The following COL6A1 variants were observed in gnomAD, a reference collection of about 807,000 sequenced individuals.
COL6A1 encodes the protein collagen alpha-1(VI) chain.
A neutral mutation model predicts 145.6 loss-of-function variants in COL6A1; 80 were observed. That is an observed-to-expected ratio of 0.55 (90% confidence interval 0.46 to 0.66). COL6A1 has a LOEUF of 0.66. Ranked by LOEUF, COL6A1 falls within the 30% of genes least tolerant of loss-of-function variation. The probability of loss-of-function intolerance (pLI) is 0.00; values close to 1 mark genes in which losing one functional copy is unlikely to be tolerated. For missense variants in COL6A1, 1,364 were observed against 1,473.8 expected, an observed-to-expected ratio of 0.93 and a Z score of 1.22; for synonymous variants, 638 against 622.8, an observed-to-expected ratio of 1.02 and a Z score of -0.36.
At position 45,990,459 on chromosome 21, in the gene COL6A1, A is replaced by G. The variant is rs11702174; in HGVS notation, c.1002+37A>G. 4.9e-3 allele frequency: 923 copies of G among 188,346 alleles called. 17 individuals are homozygous for G. Among genetic ancestry groups the G allele is most frequent in the East Asian group, 0.023 (108 of 4,748 alleles). The allele number at this position is 188,346 out of a possible 1,614,324, so 11.7% of individuals were successfully genotyped here. A position where few individuals can be genotyped will look rare whatever the true frequency, so the allele number is the denominator to read the frequency against. On this transcript the variant is annotated intron_variant, in intron 13 of 34. Coordinates refer to ENST00000361866, the MANE Select transcript of COL6A1 (RefSeq NM_001848.3). ...GAGATAGGATGGACGGGGAGGGACG[A>G]GGAGGAATGGGGCGAGATGGGGAGG...
At chr21:46,000,822 G>C in intron 29 of COL6A1, 55 bp downstream of exon 29, 3 of 1,604,578 alleles carry the variant, frequency 1.9e-6, no homozygotes, top group Non-Finnish European at 2.6e-6. Context: ...CGGGGAGCGA[G>C]GCCTGGGTCC....
chr21:45,988,998 A>G (rs2077758765), intron 8 of COL6A1, 86 bp from the exon 9 acceptor site: 1 of 1,507,616 alleles, frequency 6.6e-7, no homozygotes, highest in African/African-American at 1.4e-5. Flanking sequence ...AGGCTGGATG[A>G]AGCGTCTTTT....
chr21:45,990,769 C>G lies in COL6A1; in HGVS notation c.1003-4C>G, dbSNP rs200715767. Reference sequence around the variant, plus strand: ...AGATTTTCTAGTTTTCTTCCTCTTTCCAGGGGGAGATGGGGTACCCAGGCC... The same window carrying G: ...AGATTTTCTAGTTTTCTTCCTCTTTGCAGGGGGAGATGGGGTACCCAGGCC... On this transcript the variant is annotated splice_polypyrimidine_tract_variant and splice_region_variant and intron_variant, in intron 13 of 34. Coordinates refer to ENST00000361866, the MANE Select transcript of COL6A1 (RefSeq NM_001848.3). The G allele has an allele frequency of 6.2e-7, 1 of 1,613,332 alleles. No homozygotes were observed. The highest frequency in any genetic ancestry group is 8.5e-7 in the Non-Finnish European group (1 of 1,179,890).
rs1603591710 is a variant in COL6A1, at chr21:45,992,223, T to G, written c.1236+6T>G. On this transcript the variant is annotated splice_donor_region_variant and intron_variant, in intron 17 of 34. Coordinates refer to ENST00000361866, the MANE Select transcript of COL6A1 (RefSeq NM_001848.3). ...AAGGAGAGGCGGGCGACGAGGTGAG[T>G]GAGGGCTCCTGACACCTTCCTGGGG... is the stretch of plus-strand genomic sequence containing the variant. The G allele has an allele frequency of 1.2e-6, 2 of 1,613,202 alleles. No homozygotes were observed. Among genetic ancestry groups the G allele is most frequent in the Non-Finnish European group, 1.7e-6 (2 of 1,179,900 alleles).
chr21:45,999,915 TGGGGG>T (rs2077830066), intron 27 of COL6A1, among the ~76,000 whole-genome samples: 1 of 16,002 alleles, frequency 6.2e-5, no homozygotes, highest in Non-Finnish European at 1.4e-4. Flanking sequence ...GTGAGGATCA[TGGGGG>T]ACATGTGAGG....
At position 45,992,392 on chromosome 21, in the gene COL6A1, G is replaced by T. The variant is rs2077781987; in HGVS notation, c.1266G>T (p.Gly422=). The change falls in exon 18 of 35, where the codon GGG becomes GGT. Residue 422 remains glycine (G), a synonymous_variant. Coordinates refer to ENST00000361866, the MANE Select transcript of COL6A1 (RefSeq NM_001848.3). ...ACCCAGGACCTGACGGTGCCCCCGG[G>T]GAGCGGGTGAGTGGGGCAGGGGCAG... ...EGNPGPDGAP[G]ERGGPGERGP... 6.2e-7 allele frequency: 1 copy of T among 1,613,276 alleles called. No individual in the cohort carries two copies. Among genetic ancestry groups the T allele is most frequent in the Non-Finnish European group, 8.5e-7 (1 of 1,179,920 alleles).
chr21:45,986,727 G>A lies in COL6A1; in HGVS notation c.588+42G>A, dbSNP rs974511722. ...CCCGGCAGATGCCCCCAACCACAGG[G>A]AGTGGCGGCTGCAAGGCCCCCGGCA... On this transcript the variant is annotated intron_variant, in intron 4 of 34. Coordinates refer to ENST00000361866, the MANE Select transcript of COL6A1 (RefSeq NM_001848.3). 4 of 1,537,920 alleles carry A rather than the reference G, an allele frequency of 2.6e-6. No homozygotes were observed. In the Admixed American group the frequency reaches 7.9e-5, roughly 30 times the overall value.
chr21:45,985,937 G>C (rs528269646), intron 3 of COL6A1, among the ~76,000 whole-genome samples: 5 of 152,220 alleles, frequency 3.3e-5, no homozygotes, highest in Non-Finnish European at 5.9e-5. Flanking sequence ...GCCCCCTGTG[G>C]AAGCCACAGA....
chr21:46,004,567 TCTC>T lies in COL6A1; in HGVS notation c.*558_*560del, dbSNP rs886057160. 3 of 327,654 alleles carry T rather than the reference TCTC, an allele frequency of 9.2e-6. No homozygotes were observed. The highest frequency in any genetic ancestry group is 2.2e-5 in the African/African-American group (1 of 45,742). The allele number at this position is 327,654 out of a possible 1,614,324, so 20.3% of individuals were successfully genotyped here. ...TACAATTAAACTCAAAGCAAGCTCTTCTCCTCAGCTTGGGGCAGCCATTGGCCT... is the reference window on the plus strand; with the variant it reads ...TACAATTAAACTCAAAGCAAGCTCTTCTCAGCTTGGGGCAGCCATTGGCCT... On this transcript the variant is annotated 3_prime_UTR_variant, in exon 35 of 35. Coordinates refer to ENST00000361866, the MANE Select transcript of COL6A1 (RefSeq NM_001848.3).
chr21:45,990,435 A>ATGGGGTG lies in COL6A1; in HGVS notation c.1002+13_1002+14insTGGGGTG. 1.3e-6 allele frequency: 1 copy of ATGGGGTG among 775,394 alleles called. No individual in the cohort carries two copies. Among genetic ancestry groups the ATGGGGTG allele is most frequent in the Non-Finnish European group, 1.7e-6 (1 of 601,860 alleles). The allele number at this position is 775,394 out of a possible 1,614,324, so 48.0% of individuals were successfully genotyped here. On this transcript the variant is annotated intron_variant, in intron 13 of 34. Coordinates refer to ENST00000361866, the MANE Select transcript of COL6A1 (RefSeq NM_001848.3). ...GGACGGCGTGAAGGTGACTGGGGGG[A>ATGGGGTG]GATAGGATGGACGGGGAGGGACGAG...
Position 45,981,785 on chromosome 21 carries a change from T to C in COL6A1, c.-66T>C. 1 of 1,265,522 alleles carries C rather than the reference T, an allele frequency of 7.9e-7. No homozygotes were observed. Among genetic ancestry groups the C allele is most frequent in the Non-Finnish European group, 1.1e-6 (1 of 910,618 alleles). The allele number at this position is 1,265,522 out of a possible 1,614,324, so 78.4% of individuals were successfully genotyped here. A position where few individuals can be genotyped will look rare whatever the true frequency, so the allele number is the denominator to read the frequency against. On this transcript the variant is annotated 5_prime_UTR_variant, in exon 1 of 35. Transcript: ENST00000361866. ...GGCTGGGAGCAGAAGGCAGCCTCGG[T>C]CTCTGGGCGGCGGCGGCGGCCCACT...
In COL6A1 at chr21:46,002,338, C is replaced by T. The variant is rs369502543; in HGVS notation, c.2187C>T (p.Asp729=). ...ACCGCATCGCCCTGGTCATCACTGA[C>T]GGGCGCTCAGACACTCAGAGGGACA... is the stretch of plus-strand genomic sequence containing the variant. The part of the protein sequence containing the change: ...PNNRIALVIT[D]GRSDTQRDTT... The change falls in exon 32 of 35, where the codon GAC becomes GAT. Residue 729 remains aspartate (D), a synonymous_variant. Coordinates refer to ENST00000361866, the MANE Select transcript of COL6A1 (RefSeq NM_001848.3). 84 of 1,591,478 alleles carry T rather than the reference C, an allele frequency of 5.3e-5. No homozygotes were observed. The African/African-American group carries it at 1.0e-3, about 19-fold the overall frequency.
chr21:45,985,077 GACAGAA>G (rs1468896006), intron 3 of COL6A1, among the ~76,000 whole-genome samples: 1 of 151,592 alleles, frequency 6.6e-6, no homozygotes, highest in Admixed American at 6.6e-5. Flanking sequence ...CAGAGACAGA[GACAGAA>G]ACAGAGACAG....
Position 45,999,118 on chromosome 21 carries a change from G to A in COL6A1, c.1675-35G>A, listed in dbSNP as rs780880461. 4.5e-6 allele frequency: 7 copies of A among 1,566,420 alleles called. No individual in the cohort carries two copies. In the South Asian group the frequency reaches 5.9e-5, roughly 13 times the overall value. On this transcript the variant is annotated intron_variant, in intron 25 of 34. Transcript: ENST00000361866. ...GCCAGCGCGCAGATGCCCGGGTGGT[G>A]CACGGTCTGTTGACACAACGCTGTT...
At position 46,004,040 on chromosome 21, in the gene COL6A1, C is replaced by G; in HGVS notation, c.*27C>G. 1 of 1,612,836 alleles carries G rather than the reference C, an allele frequency of 6.2e-7. No individual in the cohort carries two copies. The highest frequency in any genetic ancestry group is 8.5e-7 in the Non-Finnish European group (1 of 1,179,936). ...CCACCCTGCACGCCGGCACCAAACC[C>G]TGTCCTCCCACCCCTCCCCACTCAT... On this transcript the variant is annotated 3_prime_UTR_variant, in exon 35 of 35. Coordinates refer to ENST00000361866, the MANE Select transcript of COL6A1 (RefSeq NM_001848.3).
chr21:45,983,351 C>G (rs1299565165), intron 2 of COL6A1, among the ~76,000 whole-genome samples: 1 of 145,602 alleles, frequency 6.9e-6, no homozygotes. Context: ...GAGGACAGAC[C>G]GGGGGGAGAG....
At chr21:45,998,071 T>C in intron 22 of COL6A1, 50 bp from the exon 23 acceptor site, 1 of 1,602,432 alleles carries the variant, frequency 6.2e-7, no homozygotes, top group Non-Finnish European at 8.5e-7. Context: ...AGCCAGTGGG[T>C]ATCCCAGGCC....
Position 46,004,687 on chromosome 21 carries a change from C to A in COL6A1, c.*674C>A. On this transcript the variant is annotated 3_prime_UTR_variant, in exon 35 of 35. Transcript: ENST00000361866. Reference sequence around the variant, plus strand: ...GTCTCCTGAGGGTCCTGCTGGTGACCGGCCTGGACCTTGGCCCTACAGCCC... The same window carrying A: ...GTCTCCTGAGGGTCCTGCTGGTGACAGGCCTGGACCTTGGCCCTACAGCCC... 1 of 449,956 alleles carries A rather than the reference C, an allele frequency of 2.2e-6. No individual in the cohort carries two copies. The highest frequency in any genetic ancestry group is 1.6e-5 in the South Asian group (1 of 63,722). 27.9% of individuals were successfully genotyped at this position (449,956 alleles called of 1,614,324 possible).
chr21:46,000,675 A>G (rs2077838949), intron 28 of COL6A1, 84 bp from the exon 29 acceptor site: 1 of 1,560,414 alleles, frequency 6.4e-7, no homozygotes, highest in Admixed American at 1.7e-5. Flanking sequence ...GGAGGCGGGG[A>G]GGCTGCCCCA....
Sources: gnomAD v4.1 joint callset for allele counts (sites outside exome capture counted in the v4.1 genomes callset) on GRCh38, gnomAD v4.1.1 for gene constraint, MANE v1.5 for transcripts, NCBI Gene and HGNC (gene_info 2026-07-23, HGNC 2026-07-21) for gene names.